Variants in NPHP1 observed in about 807,000 individuals in gnomAD.
The protein encoded by NPHP1 is nephrocystin 1.
NPHP1 carries 70 observed loss-of-function variants against 90.4 expected under a neutral mutation model. That is an observed-to-expected ratio of 0.77 (90% confidence interval 0.64 to 0.95). NPHP1 has a LOEUF of 0.95. Ranked by LOEUF, NPHP1 falls within the 40% of genes least tolerant of loss-of-function variation. The pLI is 0.00. For synonymous variants in NPHP1, 256 were observed against 271.7 expected (o/e 0.94, Z 0.57); for missense variants, 764 against 795.9 (o/e 0.96, Z 0.48).
At chr2:110,125,272 ACAG>A in intron 19 of NPHP1, 3 of 1,536,196 alleles carry the variant, frequency 2.0e-6, no homozygotes, top group Non-Finnish European at 2.6e-6. Flanking sequence ...AATATATGGT[ACAG>A]CTCAGGCCAT....
chr2:110,138,014 T>G (rs1391381066), intron 16 of NPHP1, among the ~76,000 whole-genome samples: 1 of 151,944 alleles, frequency 6.6e-6, no homozygotes, highest in Non-Finnish European at 1.5e-5. Flanking sequence ...GATGAGTTCA[T>G]GTCCTTTGTA....
At chr2:110,142,439 TCAAG>T (rs1680715776) in intron 16 of NPHP1, among the ~76,000 whole-genome samples, 3 of 75,018 alleles carry the variant, frequency 4.0e-5, no homozygotes, top group Admixed American at 1.7e-4. Flanking sequence ...CCTCTTGGGC[TCAAG>T]CAATCCTCAA....
chr2:110,129,046 T>C (rs1451219464), intron 18 of NPHP1, 140 bp downstream of exon 18: 3 of 690,504 alleles, frequency 4.3e-6, no homozygotes, highest in East Asian at 2.7e-5. Flanking sequence ...AGATGAGGAC[T>C]GAGTTACCTA....
At chr2:110,131,389 A>G (rs1312754517) in intron 17 of NPHP1, among the ~76,000 whole-genome samples, 1 of 152,200 alleles carries the variant, frequency 6.6e-6, no homozygotes. Context: ...CAGATTACTC[A>G]GAGACATTAA....
At chr2:110,170,036 A>G (rs1345642876) in intron 4 of NPHP1, 38 bp from the exon 5 acceptor site, 1 of 1,611,504 alleles carries the variant, frequency 6.2e-7, no homozygotes, top group East Asian at 2.2e-5. Flanking sequence ...ACTTGAAATA[A>G]TATACAAGAA....
chr2:110,175,939 C>T (rs547018803), intron 4 of NPHP1, among the ~76,000 whole-genome samples: 1 of 152,122 alleles, frequency 6.6e-6, no homozygotes, highest in South Asian at 2.1e-4. Context: ...TTTAAGCTGT[C>T]TTTGGGTTCA....
At chr2:110,145,509 A>G (rs1357204643) in intron 14 of NPHP1, among the ~76,000 whole-genome samples, 3 of 151,976 alleles carry the variant, frequency 2.0e-5, no homozygotes, top group Admixed American at 1.3e-4. Flanking sequence ...AGGCTGGTCT[A>G]TAACTCCCAG....
chr2:110,190,063 C>A (rs1684598044), intron 2 of NPHP1, among the ~76,000 whole-genome samples: 1 of 152,220 alleles, frequency 6.6e-6, no homozygotes, highest in African/African-American at 2.4e-5. Context: ...GGTGTGTTTA[C>A]AAACCTTGAG....
intron 1 of NPHP1, chr2:110,202,332 A>G: frequency 2.6e-6 from 1 of 377,822 alleles, no homozygotes; most frequent in South Asian, 1.9e-5. Flanking sequence ...TACTCTTGCA[A>G]TTTGGCATCC....
At chr2:110,129,701 C>T (rs562882240) in intron 17 of NPHP1, among the ~76,000 whole-genome samples, 20 of 152,146 alleles carry the variant, frequency 1.3e-4, no homozygotes, top group Non-Finnish European at 2.9e-4. Flanking sequence ...AGGCCACCAG[C>T]GCTCAGGGAA....
chr2:110,185,845 C>A (rs1436312456), intron 2 of NPHP1, among the ~76,000 whole-genome samples: 1 of 152,200 alleles, frequency 6.6e-6, no homozygotes. Context: ...AGTACTCCCC[C>A]TGAATGGCTG....
At chr2:110,175,616 T>A (rs1683451849) in intron 4 of NPHP1, among the ~76,000 whole-genome samples, 1 of 152,100 alleles carries the variant, frequency 6.6e-6, no homozygotes, top group Non-Finnish European at 1.5e-5. Context: ...TTTTTTCCCT[T>A]GGCAGCTTTT....
At chr2:110,198,666 C>T (rs985414486) in intron 2 of NPHP1, among the ~76,000 whole-genome samples, 1 of 152,078 alleles carries the variant, frequency 6.6e-6, no homozygotes, top group African/African-American at 2.4e-5. Context: ...TTCCCATACA[C>T]CAGGGTTAGA....
intron 2 of NPHP1, among the ~76,000 whole-genome samples, chr2:110,185,657 G>T (rs1350567562): frequency 5.3e-5 from 8 of 152,130 alleles, no homozygotes; most frequent in Admixed American, 4.6e-4. Context: ...CCCCCTGACT[G>T]GGCACTGAGG....
At chr2:110,144,614 G>T in intron 14 of NPHP1, 45 bp from the exon 15 acceptor site, 4 of 1,161,826 alleles carry the variant, frequency 3.4e-6, no homozygotes, top group Non-Finnish European at 5.2e-6. Flanking sequence ...CTGTGGGCAT[G>T]TAGAAAACAC....
intron 15 of NPHP1, 81 bp from the exon 16 acceptor site, chr2:110,143,722 A>C (rs1051674685): frequency 1.1e-4 from 105 of 959,460 alleles, no homozygotes; most frequent in South Asian, 1.1e-3. Context: ...ATTTCATGAA[A>C]ATATACCACC....
chr2:110,194,349 C>T (rs1232084547), intron 2 of NPHP1, among the ~76,000 whole-genome samples: 1 of 152,052 alleles, frequency 6.6e-6, no homozygotes, highest in Non-Finnish European at 1.5e-5. Context: ...CACAGAAATA[C>T]CAACTACCAT....
At chr2:110,161,802 C>T (rs1682363964) in intron 9 of NPHP1, 105 bp from the exon 10 acceptor site, 1 of 752,058 alleles carries the variant, frequency 1.3e-6, no homozygotes, top group South Asian at 1.6e-5. Flanking sequence ...TCCAAAATGC[C>T]ACGCTGCTTA....
intron 2 of NPHP1, among the ~76,000 whole-genome samples, chr2:110,192,158 A>C (rs536582646): frequency 3.9e-5 from 6 of 152,318 alleles, no homozygotes; most frequent in Admixed American, 2.6e-4. Flanking sequence ...CTGGACGGAG[A>C]ATGACTTTCA....
Sources: allele counts gnomAD v4.1 joint callset (sites outside exome capture counted in the v4.1 genomes callset), GRCh38; gene constraint gnomAD v4.1.1; transcripts MANE v1.5; gene names NCBI Gene and HGNC (gene_info 2026-07-23, HGNC 2026-07-21).